Variants in MYBL2 observed in about 807,000 individuals in gnomAD.
The protein encoded by MYBL2 is MYB proto-oncogene like 2.
In MYBL2, 28 loss-of-function variants were observed where a neutral mutation model predicts 79.9. The ratio of observed to expected loss-of-function variants is 0.35; its 90% CI spans 0.26 to 0.48. The LOEUF (loss-of-function observed/expected upper bound fraction) is 0.48. Ranked by LOEUF, MYBL2 falls within the 20% of genes least tolerant of loss-of-function variation. The probability of loss-of-function intolerance (pLI) is 0.99; values close to 1 mark genes in which losing one functional copy is unlikely to be tolerated. For missense variants in MYBL2, 735 were observed against 893.9 expected, an observed-to-expected ratio of 0.82 and a Z score of 2.27; for synonymous variants, 378 against 361.2, an observed-to-expected ratio of 1.05 and a Z score of -0.53.
At chr20:43,698,283 C>T (rs541522008) in intron 6 of MYBL2, among the ~76,000 whole-genome samples, 3 of 149,458 alleles carry the variant, frequency 2.0e-5, no homozygotes, top group African/African-American at 7.4e-5. Flanking sequence ...CTCCTGGGCT[C>T]AAGGGATCTG....
chr20:43,691,125 T>TCTGCC (rs930939204), intron 5 of MYBL2, among the ~76,000 whole-genome samples: 1 of 152,128 alleles, frequency 6.6e-6, no homozygotes, highest in African/African-American at 2.4e-5. Context: ...TTCTGGGCCT[T>TCTGCC]CTGCCCTCTT....
At chr20:43,681,271 C>A (rs1409620800) in intron 2 of MYBL2, among the ~76,000 whole-genome samples, 6 of 152,102 alleles carry the variant, frequency 3.9e-5, no homozygotes, top group Non-Finnish European at 8.8e-5. Flanking sequence ...CCTTCCAGCC[C>A]CTTTCCCACC....
chr20:43,677,362 G>A (rs572490596), intron 2 of MYBL2, among the ~76,000 whole-genome samples: 3 of 152,342 alleles, frequency 2.0e-5, no homozygotes, highest in African/African-American at 4.8e-5. Context: ...AAGATGAGTG[G>A]ATGGCAAGTA....
At chr20:43,688,813 G>A (rs1987338350) in intron 5 of MYBL2, among the ~76,000 whole-genome samples, 4 of 151,806 alleles carry the variant, frequency 2.6e-5, no homozygotes, top group South Asian at 4.2e-4. Context: ...TTTTAAGACC[G>A]AATTTCGCTC....
At chr20:43,703,744 C>T (rs1333532549) in intron 8 of MYBL2, among the ~76,000 whole-genome samples, 2 of 152,068 alleles carry the variant, frequency 1.3e-5, no homozygotes, top group Admixed American at 6.6e-5. Context: ...CCTGTCATCA[C>T]GGGTCAGGAT....
chr20:43,713,544 C>T (rs942569581), intron 12 of MYBL2, among the ~76,000 whole-genome samples: 2 of 152,074 alleles, frequency 1.3e-5, no homozygotes, highest in African/African-American at 4.8e-5. Flanking sequence ...TGCATCACCA[C>T]GCCCGGCTAA....
At chr20:43,677,363 AT>A (rs1397602795) in intron 2 of MYBL2, among the ~76,000 whole-genome samples, 1 of 152,226 alleles carries the variant, frequency 6.6e-6, no homozygotes, top group Non-Finnish European at 1.5e-5. Context: ...AGATGAGTGG[AT>A]GGCAAGTACC....
At chr20:43,702,383 C>T in intron 7 of MYBL2, 107 bp from the exon 8 acceptor site, 4 of 1,221,938 alleles carry the variant, frequency 3.3e-6, no homozygotes, top group Admixed American at 2.2e-5. Context: ...AATGATTGGT[C>T]CTGGGCTGTG....
chr20:43,684,870 G>A (rs1987231933), intron 4 of MYBL2, among the ~76,000 whole-genome samples: 1 of 151,188 alleles, frequency 6.6e-6, no homozygotes, highest in African/African-American at 2.4e-5. Flanking sequence ...AAAACACCTG[G>A]GCGTGGTGGC....
intron 11 of MYBL2, among the ~76,000 whole-genome samples, chr20:43,712,138 G>T (rs572361792): frequency 6.6e-6 from 1 of 151,978 alleles, no homozygotes; most frequent in Non-Finnish European, 1.5e-5. Flanking sequence ...GGGCTCCTGG[G>T]CAGGGGGGCA....
chr20:43,674,291 C>T (rs1452330407), intron 2 of MYBL2, among the ~76,000 whole-genome samples: 1 of 125,178 alleles, frequency 8.0e-6, no homozygotes, highest in Non-Finnish European at 1.6e-5. Flanking sequence ...GGCTAGAGGG[C>T]AATGGCATAA....
At chr20:43,675,975 G>C (rs183834327) in intron 2 of MYBL2, among the ~76,000 whole-genome samples, 95 of 149,442 alleles carry the variant, frequency 6.4e-4, no homozygotes, top group African/African-American at 2.3e-3. Flanking sequence ...TGTGATCTCA[G>C]CTCACTGCAA....
intron 1 of MYBL2, 140 bp from the exon 2 acceptor site, chr20:43,673,666 A>G (rs774081923): frequency 2.5e-6 from 2 of 789,834 alleles, no homozygotes; most frequent in Middle Eastern, 2.3e-4. Context: ...AGAAGTGCCT[A>G]TGTCTTAAAA....
At chr20:43,706,932 T>A (rs1240886198) in intron 9 of MYBL2, among the ~76,000 whole-genome samples, 1 of 151,338 alleles carries the variant, frequency 6.6e-6, no homozygotes, top group African/African-American at 2.4e-5. Context: ...GTCAGGCTGG[T>A]CTCAAACTCC....
chr20:43,682,163 T>G (rs1316661872), intron 3 of MYBL2, among the ~76,000 whole-genome samples: 1 of 152,234 alleles, frequency 6.6e-6, no homozygotes, highest in African/African-American at 2.4e-5. Context: ...GGTGTTCGGT[T>G]TCTCAACAGT....
At chr20:43,715,395 C>G in intron 13 of MYBL2, 112 bp downstream of exon 13, 1 of 1,524,810 alleles carries the variant, frequency 6.6e-7, no homozygotes, top group East Asian at 2.3e-5. Context: ...AGCTCAGGGC[C>G]TTTGCATAGG....
At chr20:43,676,421 T>C (rs1302044199) in intron 2 of MYBL2, among the ~76,000 whole-genome samples, 1 of 152,230 alleles carries the variant, frequency 6.6e-6, no homozygotes, top group Non-Finnish European at 1.5e-5. Context: ...TTGCCTGTTC[T>C]TGAATCTTCT....
intron 9 of MYBL2, among the ~76,000 whole-genome samples, chr20:43,705,585 A>G (rs942148349): frequency 6.6e-6 from 1 of 152,110 alleles, no homozygotes; most frequent in African/African-American, 2.4e-5. Flanking sequence ...TTAATTTGAT[A>G]GTTTCCTTTT....
At chr20:43,689,254 GAA>G (rs1424016279) in intron 5 of MYBL2, among the ~76,000 whole-genome samples, 4 of 152,180 alleles carry the variant, frequency 2.6e-5, no homozygotes, top group Non-Finnish European at 5.9e-5. Context: ...GGCAGGGAGA[GAA>G]AATGCCAGAT....
Sources: allele counts gnomAD v4.1 joint callset (sites outside exome capture counted in the v4.1 genomes callset), GRCh38; gene constraint gnomAD v4.1.1; transcripts MANE v1.5; gene names NCBI Gene and HGNC (gene_info 2026-07-23, HGNC 2026-07-21).